DOCK7: variants seen among roughly 807,000 people sequenced by gnomAD.
DOCK7 encodes the protein dedicator of cytokinesis 7, also known as dedicator of cytokinesis protein 7.
DOCK7 carries 138 observed loss-of-function variants against 271.0 expected under a neutral mutation model. The observed-to-expected ratio is 0.51, with a 90% CI of 0.44 to 0.59. DOCK7 has a LOEUF of 0.59. Ranked by LOEUF, DOCK7 falls within the 20% of genes least tolerant of loss-of-function variation. DOCK7 has a pLI of 0.00. For synonymous variants in DOCK7, 823 were observed against 876.1 expected (o/e 0.94, Z 1.07); for missense variants, 2,066 against 2,592.4 (o/e 0.80, Z 4.41).
chr1:62,677,666 AAATTG>A (rs1325193889), intron 1 of DOCK7, among the ~76,000 whole-genome samples: 1 of 152,220 alleles, frequency 6.6e-6, no homozygotes, highest in African/African-American at 2.4e-5. Flanking sequence ...AACTCTGAAG[AAATTG>A]AATTGACTGG....
chr1:62,504,616 G>A lies in DOCK7; in HGVS notation c.4764+14C>T. On this transcript the variant is annotated intron_variant, in intron 37 of 49. Transcript: ENST00000635253. ...CATTATGAATACAGAGAATTTTCAT[G>A]ATAAAATACTTACATTCCCAATCTC... 1 of 1,603,966 alleles carries A rather than the reference G, an allele frequency of 6.2e-7. No individual in the cohort carries two copies. The highest frequency in any genetic ancestry group is 1.7e-5 in the Admixed American group (1 of 57,662).
At chr1:62,512,450 G>A (rs1333083262) in intron 33 of DOCK7, among the ~76,000 whole-genome samples, 1 of 152,104 alleles carries the variant, frequency 6.6e-6, no homozygotes, top group African/African-American at 2.4e-5. Context: ...AGGAAGATGG[G>A]GAGATTAAGT....
At chr1:62,565,933 G>C (rs1292617597) in intron 18 of DOCK7, among the ~76,000 whole-genome samples, 1 of 152,122 alleles carries the variant, frequency 6.6e-6, no homozygotes, top group Admixed American at 6.5e-5. Context: ...GCCAAATCAT[G>C]AGTGAACTCC....
rs567967718 is a variant in DOCK7, at chr1:62,529,384, G to C, written c.3674C>G (p.Ser1225Ter). Residue 1225 changes from serine to a stop codon, truncating the protein, a stop_gained, in exon 30 of 50, where the codon TCA (serine) becomes TGA (stop). Transcript: ENST00000635253. LOFTEE classifies it high-confidence loss of function. Reference protein sequence around the residue: ...MVHNLLSSHDSDPRYSDPQIK... With the variant: ...MVHNLLSSHD The stretch of plus-strand genomic sequence containing the variant: ...CTGAGGGTCAGAGTACCGCGGGTCT[G>C]AGTCGTGACTGGAGAGTAAATTGTG... 6.2e-7 allele frequency: 1 copy of C among 1,613,780 alleles called. No individual in the cohort carries two copies. Among genetic ancestry groups the C allele is most frequent in the Non-Finnish European group, 8.5e-7 (1 of 1,179,926 alleles).
At position 62,634,809 on chromosome 1, in the gene DOCK7, G is replaced by T; in HGVS notation, c.999C>A (p.Ile333=). 9 of 1,613,166 alleles carry T rather than the reference G, an allele frequency of 5.6e-6. No individual in the cohort carries two copies. The highest frequency in any genetic ancestry group is 7.6e-6 in the Non-Finnish European group (9 of 1,179,438). The change falls in exon 9 of 50, where the codon ATC becomes ATA. Residue 333 remains isoleucine, a synonymous_variant. Transcript: ENST00000635253. ...GAAAAACATCTTGGGAAGGATAAGT[G>T]ATAGAAAAAATTGCTGATCTTGCCA... ...TTLARSAIFS[I]TYPSQDVFLV...
intron 1 of DOCK7, among the ~76,000 whole-genome samples, chr1:62,667,570 CTGGGCATGGTGG>C (rs1659459285): frequency 6.6e-6 from 1 of 152,078 alleles, no homozygotes; most frequent in African/African-American, 2.4e-5. Flanking sequence ...CAAAAATTAG[CTGGGCATGGTGG>C]TGCGTGCCTG....
At chr1:62,465,989 T>C (rs1003067316) in intron 48 of DOCK7, among the ~76,000 whole-genome samples, 6 of 152,208 alleles carry the variant, frequency 3.9e-5, no homozygotes, top group African/African-American at 1.4e-4. Context: ...AGGTAAAGGA[T>C]CTAAAGCTGG....
In DOCK7 at chr1:62,647,702, G is replaced by A. The variant is rs769631295; in HGVS notation, c.807C>T (p.Cys269=). 3.1e-6 allele frequency: 5 copies of A among 1,603,648 alleles called. 1 individual carries two copies. In the South Asian group the frequency reaches 5.6e-5, roughly 18 times the overall value. The change falls in exon 7 of 50, where the codon TGC becomes TGT. Residue 269 remains cysteine, a synonymous_variant. Transcript: ENST00000635253. The part of the protein sequence containing the change: ...EHFGQRLLVK[C]LSLKFEIEIE... The stretch of plus-strand genomic sequence containing the variant: ...AAATAAATACTCACTTGAGTGATAA[G>A]CATTTTACAAGAAGTCTTTGACCAA...
At chr1:62,598,006 A>C (rs1220033719) in intron 14 of DOCK7, 27 of 1,572,070 alleles carry the variant, frequency 1.7e-5, no homozygotes, top group Non-Finnish European at 2.3e-5. Flanking sequence ...CAACTAACTA[A>C]CTTAATTCAA....
intron 22 of DOCK7, among the ~76,000 whole-genome samples, chr1:62,552,296 A>G (rs1645933715): frequency 6.6e-6 from 1 of 152,180 alleles, no homozygotes; most frequent in Non-Finnish European, 1.5e-5. Context: ...AATAACTCTG[A>G]GTATCACTCT....
intron 1 of DOCK7, among the ~76,000 whole-genome samples, chr1:62,682,505 T>A (rs1331898118): frequency 2.0e-5 from 3 of 151,864 alleles, no homozygotes; most frequent in Non-Finnish European, 4.4e-5. Flanking sequence ...AAAAGCAGTA[T>A]AAAAACAGGG....
chr1:62,636,417 T>C, intron 8 of DOCK7, 120 bp downstream of exon 8: 1 of 739,130 alleles, frequency 1.4e-6, no homozygotes, highest in Non-Finnish European at 2.2e-6. Flanking sequence ...TAAATTTCTA[T>C]TTCCTTTTTA....
chr1:62,591,725 A>G (rs963103942), intron 14 of DOCK7, among the ~76,000 whole-genome samples: 2 of 152,166 alleles, frequency 1.3e-5, no homozygotes, highest in African/African-American at 4.8e-5. Context: ...ATGACTGGCT[A>G]CTTCCCATCT....
rs531732960 is a variant in DOCK7, at chr1:62,626,348, G to A, written c.1283-947C>T. 2.3e-4 allele frequency among the ~76,000 whole-genome samples: 35 copies of A among 151,994 alleles called. No individual in the cohort carries two copies. The South Asian group carries it at 6.9e-3, about 30-fold the overall frequency. The stretch of plus-strand genomic sequence containing the variant: ...CTACAAAAGAAGAGAAAAAAAATCC[G>A]AAACCAGCAGAAGGCTACAAGAGGC... On this transcript the variant is annotated intron_variant, in intron 11 of 49. Transcript: ENST00000635253.
At chr1:62,685,034 T>C (rs1303473338) in intron 1 of DOCK7, among the ~76,000 whole-genome samples, 1 of 152,196 alleles carries the variant, frequency 6.6e-6, no homozygotes, top group Non-Finnish European at 1.5e-5. Flanking sequence ...AAATTTCATA[T>C]ACGAACACTA....
chr1:62,473,217 G>T (rs1318203535), intron 48 of DOCK7, among the ~76,000 whole-genome samples: 1 of 152,020 alleles, frequency 6.6e-6, no homozygotes, highest in Non-Finnish European at 1.5e-5. Flanking sequence ...TTACTTTATA[G>T]ATTAGAAAAT....
intron 14 of DOCK7, among the ~76,000 whole-genome samples, chr1:62,611,033 C>G (rs1651721289): frequency 6.6e-6 from 1 of 152,166 alleles, no homozygotes; most frequent in Non-Finnish European, 1.5e-5. Context: ...GAGGAATCGC[C>G]ACACTGTCTT....
At chr1:62,500,290 CA>C (rs1386319997) in intron 37 of DOCK7, among the ~76,000 whole-genome samples, 1 of 151,368 alleles carries the variant, frequency 6.6e-6, no homozygotes, top group African/African-American at 2.4e-5. Context: ...GGAAAGATGG[CA>C]AAAATCAGAA....
intron 43 of DOCK7, among the ~76,000 whole-genome samples, chr1:62,480,337 C>T (rs745578458): frequency 2.0e-5 from 3 of 152,100 alleles, no homozygotes; most frequent in Non-Finnish European, 4.4e-5. Flanking sequence ...TCATGACATT[C>T]GGTTCAAGGA....
Sources: gnomAD v4.1 joint callset for allele counts (sites outside exome capture counted in the v4.1 genomes callset) on GRCh38, gnomAD v4.1.1 for gene constraint, MANE v1.5 for transcripts, NCBI Gene and HGNC (gene_info 2026-07-23, HGNC 2026-07-21) for gene names.